RELN: variants seen among roughly 807,000 people sequenced by gnomAD.
RELN encodes reelin.
Under a neutral mutation model 427.6 loss-of-function variants are expected in RELN, and 108 were observed. The observed-to-expected ratio is 0.25, with a 90% CI of 0.22 to 0.30. The LOEUF (loss-of-function observed/expected upper bound fraction) is 0.30. Ranked by LOEUF, RELN falls within the 10% of genes least tolerant of loss-of-function variation. The pLI, the probability that RELN is intolerant of heterozygous loss-of-function variation, is 1.00. For synonymous variants in RELN, 1,524 were observed against 1,513.4 expected (o/e 1.01, Z -0.16); for missense variants, 3,715 against 4,302.8 (o/e 0.86, Z 3.82).
At chr7:103,847,515 T>C (rs529957807) in intron 2 of RELN, among the ~76,000 whole-genome samples, 1 of 152,144 alleles carries the variant, frequency 6.6e-6, no homozygotes, top group Non-Finnish European at 1.5e-5. Context: ...TGTACACCTA[T>C]GTAACAAACC....
At position 103,472,222 on chromosome 7, in the gene RELN, A is replaced by T. The variant is rs1373466251; in HGVS notation, c.*590T>A. On this transcript the variant is annotated 3_prime_UTR_variant, in exon 65 of 65. Coordinates refer to ENST00000428762, the MANE Select transcript of RELN (RefSeq NM_005045.4). ...ATTTTTAAGGAGTATATTAAAGGAGATACAATATCTTTACAACTATCTTCT... is the reference window on the plus strand; with the variant it reads ...ATTTTTAAGGAGTATATTAAAGGAGTTACAATATCTTTACAACTATCTTCT... The T allele has an allele frequency of 6.4e-6, 1 of 157,058 alleles. No individual in the cohort carries two copies. The highest frequency in any genetic ancestry group is 1.4e-5 in the Non-Finnish European group (1 of 70,650). The allele number at this position is 157,058 out of a possible 1,614,324, so 9.7% of individuals were successfully genotyped here. A position where few individuals can be genotyped will look rare whatever the true frequency, so the allele number is the denominator to read the frequency against.
At chr7:103,655,816 C>T (rs1185402074) in intron 12 of RELN, among the ~76,000 whole-genome samples, 7 of 152,070 alleles carry the variant, frequency 4.6e-5, no homozygotes, top group African/African-American at 7.2e-5. Flanking sequence ...CACAGTGGAA[C>T]AGGATGCATC....
Position 103,849,080 on chromosome 7 carries a change from G to C in RELN, c.338-15408C>G, listed in dbSNP as rs1020115233. Among the ~76,000 whole-genome samples the C allele has an allele frequency of 2.6e-5, 4 of 152,190 alleles. No individual in the cohort carries two copies. In the South Asian group the frequency reaches 8.3e-4, roughly 32 times the overall value. ...GATGTGACAGTGCTGTCTGACCCCA[G>C]ATGATGGCATTATGGACTAAATGTC... On this transcript the variant is annotated intron_variant, in intron 2 of 64. Coordinates refer to ENST00000428762, the MANE Select transcript of RELN (RefSeq NM_005045.4).
At chr7:103,744,567 A>G (rs1025644278) in intron 6 of RELN, among the ~76,000 whole-genome samples, 2 of 152,340 alleles carry the variant, frequency 1.3e-5, no homozygotes, top group African/African-American at 4.8e-5. Flanking sequence ...ATGCAATAAA[A>G]AACGATAAAG....
chr7:103,880,551 C>T (rs891213241), intron 2 of RELN, among the ~76,000 whole-genome samples: 1 of 152,148 alleles, frequency 6.6e-6, no homozygotes, highest in African/African-American at 2.4e-5. Context: ...ATTAAGAGCA[C>T]GAGCTCTGAC....
At chr7:103,534,982 T>C (rs1830017890) in intron 46 of RELN, among the ~76,000 whole-genome samples, 1 of 152,226 alleles carries the variant, frequency 6.6e-6, no homozygotes, top group African/African-American at 2.4e-5. Context: ...CTGTATCCAA[T>C]GGGCCTATTT....
chr7:103,779,879 C>T (rs547094343), intron 3 of RELN, among the ~76,000 whole-genome samples: 21 of 152,258 alleles, frequency 1.4e-4, no homozygotes, highest in African/African-American at 3.8e-4. Context: ...AGGCCTGCGC[C>T]GCCATGCCCA....
rs5886260 is a variant in RELN at position 103,564,919 on chromosome 7, GA to G, written c.5210+358del. On this transcript the variant is annotated intron_variant, in intron 34 of 64. Transcript: ENST00000428762. ...TTTGTTCATACTGTGGTACTGAGAT[GA>G]AAAAAAACTAAGGATACTCTCCAAT... 3.5e-3 allele frequency among the ~76,000 whole-genome samples: 528 copies of G among 151,948 alleles called. 21 individuals carry two copies. In the East Asian group the frequency reaches 0.088, roughly 25 times the overall value.
chr7:103,685,186 C>T (rs1017543340), intron 10 of RELN, among the ~76,000 whole-genome samples: 1 of 152,050 alleles, frequency 6.6e-6, no homozygotes, highest in Non-Finnish European at 1.5e-5. Flanking sequence ...GTTAAAAATC[C>T]AAATGAAACA....
intron 2 of RELN, among the ~76,000 whole-genome samples, chr7:103,839,684 A>C (rs1446496328): frequency 6.6e-6 from 1 of 152,234 alleles, no homozygotes; most frequent in Non-Finnish European, 1.5e-5. Flanking sequence ...CAATTATAAT[A>C]ATCACAACTA....
chr7:103,604,343 T>A lies in RELN; in HGVS notation c.3146+3A>T, dbSNP rs1831760834. ...ACCTCATCGTGCTTTCTGGTGCACA[T>A]ACCTGCATATGCCATGATCGCATGA... On this transcript the variant is annotated splice_donor_region_variant and intron_variant, in intron 23 of 64. Coordinates refer to ENST00000428762, the MANE Select transcript of RELN (RefSeq NM_005045.4). 6.2e-7 allele frequency: 1 copy of A among 1,613,706 alleles called. No individual in the cohort carries two copies. The highest frequency in any genetic ancestry group is 1.7e-5 in the Admixed American group (1 of 59,972).
intron 43 of RELN, among the ~76,000 whole-genome samples, chr7:103,542,372 C>T (rs1021424620): frequency 3.3e-5 from 5 of 152,046 alleles, no homozygotes; most frequent in African/African-American, 2.4e-5. Context: ...TTCTACATAG[C>T]GCAAGTGCTA....
At chr7:103,959,412 C>A (rs561370200) in intron 1 of RELN, among the ~76,000 whole-genome samples, 1 of 152,304 alleles carries the variant, frequency 6.6e-6, no homozygotes, top group African/African-American at 2.4e-5. Context: ...CCAGACTTTT[C>A]AACACCTGCC....
chr7:103,494,388 T>G (rs1384797813), intron 57 of RELN, among the ~76,000 whole-genome samples: 1 of 151,592 alleles, frequency 6.6e-6, no homozygotes, highest in Non-Finnish European at 1.5e-5. Context: ...TGTGTGTGTG[T>G]GTGTGGGATA....
intron 1 of RELN, among the ~76,000 whole-genome samples, chr7:103,938,124 CA>C (rs1796027696): frequency 6.6e-6 from 1 of 152,024 alleles, no homozygotes. Context: ...AGTTAGAGAC[CA>C]GCCTGGCCAA....
At chr7:103,594,273 C>A in intron 26 of RELN, 48 bp downstream of exon 26, 1 of 1,530,814 alleles carries the variant, frequency 6.5e-7, no homozygotes, top group Non-Finnish European at 9.1e-7. Flanking sequence ...TTATGCCATT[C>A]ACTTTTATAA....
chr7:103,807,281 A>G (rs957396630), intron 3 of RELN, among the ~76,000 whole-genome samples: 1 of 152,206 alleles, frequency 6.6e-6, no homozygotes, highest in African/African-American at 2.4e-5. Flanking sequence ...AAGCCAACAG[A>G]TAAGTTGCAA....
chr7:103,836,238 G>T (rs2116417135), intron 2 of RELN, among the ~76,000 whole-genome samples: 1 of 152,218 alleles, frequency 6.6e-6, no homozygotes, highest in South Asian at 2.1e-4. Flanking sequence ...AGGTTTACAG[G>T]CGTCAGCCAC....
At chr7:103,753,142 A>G in intron 5 of RELN, 40 bp downstream of exon 5, 1 of 1,606,800 alleles carries the variant, frequency 6.2e-7, no homozygotes, top group Non-Finnish European at 8.5e-7. Context: ...CAAGTAGATC[A>G]AGTACTAAAG....
Sources: allele counts gnomAD v4.1 joint callset (sites outside exome capture counted in the v4.1 genomes callset), GRCh38; gene constraint gnomAD v4.1.1; transcripts MANE v1.5; gene names NCBI Gene and HGNC (gene_info 2026-07-23, HGNC 2026-07-21).